N4BP2L1: variants seen among roughly 807,000 people sequenced by gnomAD.
The protein encoded by N4BP2L1 is NEDD4-binding protein 2-like 1.
Under a neutral mutation model 21.2 loss-of-function variants are expected in N4BP2L1, and 12 were observed. The observed-to-expected ratio is 0.57, with a 90% CI of 0.36 to 0.92. The LOEUF (loss-of-function observed/expected upper bound fraction) is 0.92. Among genes scored for constraint, N4BP2L1 ranks in the 40% least tolerant of loss-of-function variants. The pLI, the probability that N4BP2L1 is intolerant of heterozygous loss-of-function variation, is 0.01. For synonymous variants in N4BP2L1, 104 were observed against 112.8 expected (o/e 0.92, Z 0.49); for missense variants, 259 against 310.6 (o/e 0.83, Z 1.25).
intron 1 of N4BP2L1, among the ~76,000 whole-genome samples, chr13:32,417,149 G>A (rs2074195396): frequency 6.6e-6 from 1 of 152,154 alleles, no homozygotes; most frequent in South Asian, 2.1e-4. Context: ...AGCTGTGTGA[G>A]AATTTCTATT....
chr13:32,425,011 T>C (rs985078100), intron 1 of N4BP2L1: 2 of 152,184 alleles, frequency 1.3e-5, no homozygotes, highest in Non-Finnish European at 2.9e-5. Context: ...TAAAAAGCGA[T>C]TTCCTCCAAA....
At chr13:32,409,703 G>C (rs369495789) in intron 1 of N4BP2L1, among the ~76,000 whole-genome samples, 1 of 152,130 alleles carries the variant, frequency 6.6e-6, no homozygotes, top group Non-Finnish European at 1.5e-5. Flanking sequence ...GTGATGCAAA[G>C]GAGTGATGCA....
chr13:32,424,723 G>A (rs141392193), intron 1 of N4BP2L1, among the ~76,000 whole-genome samples: 1 of 152,304 alleles, frequency 6.6e-6, no homozygotes, highest in African/African-American at 2.4e-5. Flanking sequence ...AAACACGGGT[G>A]ATAAAGCAGA....
rs780967131 is a variant in N4BP2L1, at chr13:32,428,051, C to T, written c.32G>A (p.Arg11Lys). ...CTGCTGCTGGGGCTGGAGGCTCAGC[C>T]TCCCAAAAGATTGAAGGAAACTGTC... MEDSFLQSFG[R>K]LSLQPQQQQQ... The change falls in exon 1 of 5, where the codon AGG becomes AAG. Residue 11 changes from arginine (R) to lysine (K), a missense_variant. Physicochemically the swap from Arg to Lys is conservative, Grantham distance 26. Transcript: ENST00000380130. The T allele has an allele frequency of 6.6e-7, 1 of 1,514,044 alleles. No homozygotes were observed. The highest frequency in any genetic ancestry group is 2.6e-5 in the East Asian group (1 of 38,338). The allele number at this position is 1,514,044 out of a possible 1,614,324, so 93.8% of individuals were successfully genotyped here. A position where few individuals can be genotyped will look rare whatever the true frequency, so the allele number is the denominator to read the frequency against.
At chr13:32,415,911 G>T (rs546002482) in intron 1 of N4BP2L1, 1 of 152,016 alleles carries the variant, frequency 6.6e-6, no homozygotes, top group Non-Finnish European at 1.5e-5. Context: ...ACTTATCACC[G>T]CCTAAATTAA....
At chr13:32,413,197 A>T (rs1306849715) in intron 1 of N4BP2L1, among the ~76,000 whole-genome samples, 1 of 152,194 alleles carries the variant, frequency 6.6e-6, no homozygotes, top group Non-Finnish European at 1.5e-5. Context: ...AAATGCTGGG[A>T]TTACAGGCAT....
intron 1 of N4BP2L1, among the ~76,000 whole-genome samples, chr13:32,419,127 T>A (rs1422170321): frequency 6.6e-6 from 1 of 152,074 alleles, no homozygotes; most frequent in Non-Finnish European, 1.5e-5. Context: ...TCTTGAATTA[T>A]AGTTCCCATA....
At chr13:32,427,816 C>T in intron 1 of N4BP2L1, 88 bp downstream of exon 1, 2 of 917,896 alleles carry the variant, frequency 2.2e-6, no homozygotes, top group Non-Finnish European at 1.4e-6. Context: ...CAAGCGGCGC[C>T]CGGGAGCGGC....
At chr13:32,411,425 G>T in intron 1 of N4BP2L1, 1 of 655,164 alleles carries the variant, frequency 1.5e-6, no homozygotes, top group African/African-American at 2.0e-5. Context: ...AGCCATAGTA[G>T]CATGTTGAAT....
At chr13:32,419,480 T>C (rs1429481880) in intron 1 of N4BP2L1, 5 of 337,634 alleles carry the variant, frequency 1.5e-5, no homozygotes, top group African/African-American at 1.2e-4. Context: ...CTATGTTGGC[T>C]AGGCTGGTCT....
upstream of N4BP2L1, among the ~76,000 whole-genome samples, chr13:32,428,924 T>C (rs1040185356): frequency 1.3e-5 from 2 of 152,240 alleles, no homozygotes; most frequent in African/African-American, 4.8e-5. Flanking sequence ...TACCCATTGG[T>C]TGATCACCAC....
intron 4 of N4BP2L1, 91 bp downstream of exon 4, chr13:32,404,230 C>T: frequency 6.3e-7 from 1 of 1,584,660 alleles, no homozygotes; most frequent in Non-Finnish European, 8.7e-7. Context: ...CTACCATGTC[C>T]ATTTCCAGCC....
chr13:32,415,047 T>C (rs116694026), intron 1 of N4BP2L1, among the ~76,000 whole-genome samples: 146 of 152,360 alleles, frequency 9.6e-4, no homozygotes, highest in African/African-American at 3.3e-3. Flanking sequence ...AGTTAGTGGA[T>C]TTCTAACAGT....
rs142369669 is a variant in N4BP2L1 at position 32,423,399 on chromosome 13, C to T, written c.179+4505G>A. Among the ~76,000 whole-genome samples the T allele has an allele frequency of 6.6e-5, 10 of 152,312 alleles. No homozygotes were observed. In the East Asian group the frequency reaches 1.9e-3, roughly 29 times the overall value. On this transcript the variant is annotated intron_variant, in intron 1 of 4. Coordinates refer to ENST00000380130, the MANE Select transcript of N4BP2L1 (RefSeq NM_052818.3). ...ATTGCAAAGGATGCAACATGTACTA[C>T]AGGGTGGTTCCCCTGACTTTGCTTT...
chr13:32,427,927 G>C lies in N4BP2L1; in HGVS notation c.156C>G (p.Gly52=), dbSNP rs1478859997. Residue 52 remains glycine, a synonymous_variant, in exon 1 of 5, where the codon GGC becomes GGG. Transcript: ENST00000380130. ...ACCTGGCCAGTGTAGTTTTCCCGGA[G>C]CCCGGGAGGCCTCGCAGGAGGTAGA... ...KHLYLLRGLP[G]SGKTTLARQL... The C allele has an allele frequency of 6.6e-7, 1 of 1,523,590 alleles. No homozygotes were observed. Among genetic ancestry groups the C allele is most frequent in the Non-Finnish European group, 8.8e-7 (1 of 1,134,318 alleles). 94.4% of individuals were successfully genotyped at this position (1,523,590 alleles called of 1,614,324 possible).
chr13:32,412,384 T>TGGGAGGCCAAGATGGGC (rs1555294948), intron 1 of N4BP2L1, among the ~76,000 whole-genome samples: 3 of 151,668 alleles, frequency 2.0e-5, no homozygotes, highest in African/African-American at 7.3e-5. Context: ...CCCAGCACTT[T>TGGGAGGCCAAGATGGGC]GGGAGGCCAA....
chr13:32,402,395 C>T lies in N4BP2L1; in HGVS notation c.*547G>A. 1 of 764,288 alleles carries T rather than the reference C, an allele frequency of 1.3e-6. No homozygotes were observed. Among genetic ancestry groups the T allele is most frequent in the Non-Finnish European group, 1.6e-6 (1 of 628,448 alleles). The allele number at this position is 764,288 out of a possible 1,614,324, so 47.3% of individuals were successfully genotyped here. A position where few individuals can be genotyped will look rare whatever the true frequency, so the allele number is the denominator to read the frequency against. On this transcript the variant is annotated 3_prime_UTR_variant, in exon 5 of 5. Transcript: ENST00000380130. ...GTGTCTACTTTGAAGGACAATGTTC[C>T]CTTAGATGTATGCTTTCTGGCATAT...
At chr13:32,404,133 A>C in intron 4 of N4BP2L1, 188 bp downstream of exon 4, 1 of 1,598,870 alleles carries the variant, frequency 6.3e-7, no homozygotes, top group Non-Finnish European at 8.5e-7. Context: ...TTAGCATTAT[A>C]TTAGAAAACT....
chr13:32,402,755 G>C lies in N4BP2L1; in HGVS notation c.*187C>G. ...CAAATCTGCAGAATTCCCAGCATCA[G>C]ACCATGCATATAGAAGCACTTTAAC... On this transcript the variant is annotated 3_prime_UTR_variant, in exon 5 of 5. Transcript: ENST00000380130. The C allele has an allele frequency of 7.3e-7, 1 of 1,378,294 alleles. No homozygotes were observed. The highest frequency in any genetic ancestry group is 9.4e-7 in the Non-Finnish European group (1 of 1,068,602). The allele number at this position is 1,378,294 out of a possible 1,614,324, so 85.4% of individuals were successfully genotyped here. A position where few individuals can be genotyped will look rare whatever the true frequency, so the allele number is the denominator to read the frequency against.
Sources: allele counts gnomAD v4.1 joint callset (sites outside exome capture counted in the v4.1 genomes callset), GRCh38; gene constraint gnomAD v4.1.1; transcripts MANE v1.5; gene names NCBI Gene and HGNC (gene_info 2026-07-23, HGNC 2026-07-21).